The following UBE4B variants were observed in gnomAD, a reference collection of about 807,000 sequenced individuals.
The protein encoded by UBE4B is ubiquitin conjugation factor E4 B.
In UBE4B, 27 loss-of-function variants were observed where a neutral mutation model predicts 148.1. The ratio of observed to expected loss-of-function variants is 0.18; its 90% CI spans 0.13 to 0.25. The LOEUF is 0.25. Among genes scored for constraint, UBE4B ranks in the 10% least tolerant of loss-of-function variants. The pLI, the probability that UBE4B is intolerant of heterozygous loss-of-function variation, is 1.00. For missense variants in UBE4B, 1,170 were observed against 1,662.4 expected (o/e 0.70, Z 5.15); for synonymous variants, 596 against 619.3 (o/e 0.96, Z 0.56).
At chr1:10,132,513 T>C (rs747249052) in intron 15 of UBE4B, 31 bp downstream of exon 15, 1 of 1,591,828 alleles carries the variant, frequency 6.3e-7, no homozygotes, top group Non-Finnish European at 8.6e-7. Context: ...TTTTCGCTGT[T>C]TGTCAAATTC....
chr1:10,033,814 T>C (rs1643397051), intron 1 of UBE4B, 120 bp downstream of exon 1: 1 of 1,115,282 alleles, frequency 9.0e-7, no homozygotes, highest in Non-Finnish European at 1.2e-6. Flanking sequence ...GGAGATGATA[T>C]TTTCCAAGAA....
intron 1 of UBE4B, among the ~76,000 whole-genome samples, chr1:10,066,286 A>AT (rs1214214215): frequency 6.7e-6 from 1 of 148,344 alleles, no homozygotes; most frequent in Non-Finnish European, 1.5e-5. Context: ...TGCCCAGCTA[A>AT]TTTTTTATTT....
chr1:10,072,656 A>C (rs1278010867), intron 2 of UBE4B: 1 of 584,660 alleles, frequency 1.7e-6, no homozygotes, highest in Non-Finnish European at 3.0e-6. Context: ...TTCAGAGGAT[A>C]AAACTACCTG....
At chr1:10,100,461 G>A (rs1025903853) in intron 3 of UBE4B, among the ~76,000 whole-genome samples, 36 of 152,228 alleles carry the variant, frequency 2.4e-4, no homozygotes, top group African/African-American at 8.2e-4. Context: ...TAGGTAGCTC[G>A]GACCATAGGC....
intron 2 of UBE4B, among the ~76,000 whole-genome samples, chr1:10,073,577 G>A (rs1355506302): frequency 1.3e-5 from 2 of 152,012 alleles, no homozygotes; most frequent in Admixed American, 6.6e-5. Context: ...ACAAAAAGCC[G>A]GGTGTGGTGC....
At chr1:10,150,009 G>T (rs781372165) in intron 20 of UBE4B, among the ~76,000 whole-genome samples, 1 of 152,140 alleles carries the variant, frequency 6.6e-6, no homozygotes, top group Non-Finnish European at 1.5e-5. Context: ...TAGGTCCCCA[G>T]TCACAGAATA....
At chr1:10,173,367 A>G (rs1646366248) in intron 25 of UBE4B, among the ~76,000 whole-genome samples, 1 of 151,804 alleles carries the variant, frequency 6.6e-6, no homozygotes, top group African/African-American at 2.4e-5. Context: ...CTGTAGTCCC[A>G]GCTACTCGGG....
Position 10,131,884 on chromosome 1 carries a change from C to T in UBE4B, c.1912-485C>T, listed in dbSNP as rs1432231945. ...AGGAGAATCGCTTGAAACCGGGAGG[C>T]GGAGGTTGCACTGAGCCGAGATGTG... On this transcript the variant is annotated intron_variant, in intron 14 of 27. Transcript: ENST00000343090. 1.5e-4 allele frequency among the ~76,000 whole-genome samples: 22 copies of T among 151,546 alleles called. 1 individual carries two copies. The highest frequency in any genetic ancestry group is 1.1e-3 in the Admixed American group (16 of 15,188).
intron 1 of UBE4B, among the ~76,000 whole-genome samples, chr1:10,066,968 GA>G (rs1644397823): frequency 6.6e-6 from 1 of 152,080 alleles, no homozygotes; most frequent in Non-Finnish European, 1.5e-5. Flanking sequence ...ACCCCAAAGA[GA>G]AAGTATTTCC....
intron 2 of UBE4B, among the ~76,000 whole-genome samples, chr1:10,083,267 G>A (rs919427145): frequency 2.0e-5 from 3 of 152,140 alleles, no homozygotes; most frequent in Admixed American, 6.5e-5. Flanking sequence ...GGATATCTGT[G>A]GGGCAATCTT....
intron 7 of UBE4B, among the ~76,000 whole-genome samples, chr1:10,109,055 C>T (rs79283712): frequency 0.029 from 4,382 of 152,230 alleles, 71 homozygotes; most frequent in African/African-American, 0.045. Context: ...TAAATTCTCT[C>T]CCTACTAGGA....
At chr1:10,078,939 C>T (rs1570840244) in intron 2 of UBE4B, among the ~76,000 whole-genome samples, 1 of 152,260 alleles carries the variant, frequency 6.6e-6, no homozygotes, top group East Asian at 1.9e-4. Flanking sequence ...GCTTCAGCCT[C>T]AGAAGTAGCT....
intron 1 of UBE4B, among the ~76,000 whole-genome samples, chr1:10,060,076 C>T (rs1570800236): frequency 6.6e-6 from 1 of 151,706 alleles, no homozygotes; most frequent in Middle Eastern, 3.4e-3. Flanking sequence ...TCGTCAGGTC[C>T]CTGTGTGTGT....
At chr1:10,110,192 T>G (rs147614640) in intron 7 of UBE4B, among the ~76,000 whole-genome samples, 17 of 152,324 alleles carry the variant, frequency 1.1e-4, no homozygotes, top group Admixed American at 2.6e-4. Context: ...GCCCAGTGGA[T>G]TCGATGTCTT....
chr1:10,161,109 G>T lies in UBE4B; in HGVS notation c.3054-33G>T. ...CTGTGGCATTTTGCTTCAGGGAGAT[G>T]TATGACCATGTACAATATAATTGCC... On this transcript the variant is annotated intron_variant, in intron 22 of 27. Coordinates refer to ENST00000343090, the MANE Select transcript of UBE4B (RefSeq NM_001105562.3). The surrounding 1 kb of genome is among the most constrained non-coding windows in gnomAD (Gnocchi z 4.1). 1 of 1,608,146 alleles carries T rather than the reference G, an allele frequency of 6.2e-7. No homozygotes were observed. Among genetic ancestry groups the T allele is most frequent in the East Asian group, 2.2e-5 (1 of 44,702 alleles).
chr1:10,077,865 G>C (rs970041277), intron 2 of UBE4B, among the ~76,000 whole-genome samples: 1 of 152,172 alleles, frequency 6.6e-6, no homozygotes, highest in African/African-American at 2.4e-5. Context: ...GGTCATTGCT[G>C]TTCCAGACTT....
chr1:10,046,841 G>A (rs547714270), intron 1 of UBE4B, among the ~76,000 whole-genome samples: 18 of 152,146 alleles, frequency 1.2e-4, no homozygotes, highest in Non-Finnish European at 1.9e-4. Flanking sequence ...TGAAAACTTT[G>A]ATTGTAGACC....
chr1:10,118,340 G>GT lies in UBE4B; in HGVS notation c.1338+748dup, dbSNP rs201715112. On this transcript the variant is annotated intron_variant, in intron 8 of 27. Coordinates refer to ENST00000343090, the MANE Select transcript of UBE4B (RefSeq NM_001105562.3). ...AGTGGGCATGTCTCCAAGGTTTTTT[G>GT]TTTTTTTTGTTTTTTGAGATGGAGT... 9.1e-3 allele frequency among the ~76,000 whole-genome samples: 1,382 copies of GT among 151,588 alleles called. 22 individuals carry two copies. Among genetic ancestry groups the GT allele is most frequent in the African/African-American group, 0.031 (1,275 of 41,344 alleles).
chr1:10,038,421 C>T (rs1458148340), intron 1 of UBE4B, among the ~76,000 whole-genome samples: 1 of 152,146 alleles, frequency 6.6e-6, no homozygotes, highest in Non-Finnish European at 1.5e-5. Context: ...CTCTTCTGTG[C>T]CAGGCACTTG....
Sources: allele counts gnomAD v4.1 joint callset (sites outside exome capture counted in the v4.1 genomes callset), GRCh38; gene constraint gnomAD v4.1.1; non-coding constraint Gnocchi (gnomAD v3.1); transcripts MANE v1.5; gene names NCBI Gene and HGNC (gene_info 2026-07-23, HGNC 2026-07-21).